Variants in CRACR2A observed in about 807,000 individuals in gnomAD.
CRACR2A encodes EF-hand calcium-binding domain-containing protein 4B.
A neutral mutation model predicts 90.5 loss-of-function variants in CRACR2A; 79 were observed. That is an observed-to-expected ratio of 0.87 (90% CI 0.73 to 1.05). The LOEUF is 1.05. Ranked by LOEUF, CRACR2A falls within the 50% of genes least tolerant of loss-of-function variation. The pLI is 0.00. For synonymous variants in CRACR2A, 338 were observed against 356.7 expected (o/e 0.95, Z 0.59); for missense variants, 823 against 897.2 (o/e 0.92, Z 1.06).
At chr12:3,727,893 A>G (rs918245121) in intron 2 of CRACR2A, 1 of 152,194 alleles carries the variant, frequency 6.6e-6, no homozygotes, top group Non-Finnish European at 1.5e-5. Context: ...AAAAAATAAA[A>G]TAAAATAAGG....
intron 2 of CRACR2A, chr12:3,728,842 G>A (rs756637923): frequency 3.3e-5 from 5 of 152,242 alleles, no homozygotes; most frequent in Non-Finnish European, 7.3e-5. Flanking sequence ...ATCCTGGGCT[G>A]CGGGCAGAAG....
intron 7 of CRACR2A, among the ~76,000 whole-genome samples, chr12:3,668,526 A>T (rs994280566): frequency 2.4e-4 from 36 of 152,152 alleles, no homozygotes; most frequent in Admixed American, 1.3e-4. Context: ...GGTCACTAAG[A>T]ACTCTGTGGA....
rs1299592979 is a variant in CRACR2A at position 3,713,302 on chromosome 12, G to A, written c.-102C>T. Reference sequence around the variant, plus strand: ...CACCTGGAGGGTACTTTGGCCACTGGTGACTTGAATTCCACCTAGGAAACA... The same window carrying A: ...CACCTGGAGGGTACTTTGGCCACTGATGACTTGAATTCCACCTAGGAAACA... On this transcript the variant is annotated 5_prime_UTR_variant, in exon 3 of 20. Transcript: ENST00000440314. 2.0e-6 allele frequency: 2 copies of A among 985,172 alleles called. No individual in the cohort carries two copies. The highest frequency in any genetic ancestry group is 3.5e-5 in the African/African-American group (2 of 57,194). 61.0% of individuals were successfully genotyped at this position (985,172 alleles called of 1,614,324 possible). A position where few individuals can be genotyped will look rare whatever the true frequency, so the allele number is the denominator to read the frequency against.
intron 8 of CRACR2A, among the ~76,000 whole-genome samples, chr12:3,657,748 G>A (rs1184978420): frequency 6.6e-6 from 1 of 152,164 alleles, no homozygotes; most frequent in Non-Finnish European, 1.5e-5. Flanking sequence ...GCAGCGAGCG[G>A]CTCCAGAATC....
At chr12:3,679,192 C>G in intron 5 of CRACR2A, 94 bp from the exon 6 acceptor site, 2 of 1,269,344 alleles carry the variant, frequency 1.6e-6, no homozygotes, top group Non-Finnish European at 2.1e-6. Context: ...GAAGGTTCAT[C>G]TGAGAGAAGG....
chr12:3,633,658 AG>A lies in CRACR2A; in HGVS notation c.1680del (p.Phe561SerfsTer2). Reference protein sequence around the residue: ...FVGNSAVGKTSFLRRFCEDRF... With the variant: ...FVGNSAVGKTXFLRRFCEDRF... ...CGGTCCTCACAGAATCTCCTCAGGAAGGATGTCTTCCCCACCGCGGAATTGC... is the reference window on the plus strand; with the variant it reads ...CGGTCCTCACAGAATCTCCTCAGGAAGATGTCTTCCCCACCGCGGAATTGC... On this transcript the variant is annotated frameshift_variant, in exon 15 of 20. Transcript: ENST00000440314. LOFTEE classifies it high-confidence loss of function. The surrounding 1 kb of genome is among the most constrained non-coding windows in gnomAD (Gnocchi z 4.5). 1 of 1,551,756 alleles carries A rather than the reference AG, an allele frequency of 6.4e-7. No homozygotes were observed. The highest frequency in any genetic ancestry group is 8.7e-7 in the Non-Finnish European group (1 of 1,147,004).
intron 3 of CRACR2A, among the ~76,000 whole-genome samples, chr12:3,703,376 C>T (rs1289984927): frequency 6.6e-6 from 1 of 152,168 alleles, no homozygotes; most frequent in African/African-American, 2.4e-5. Context: ...TGAGCCACCG[C>T]ACCCAGCTGC....
At chr12:3,742,090 G>T (rs1356161272) in intron 1 of CRACR2A, among the ~76,000 whole-genome samples, 3 of 152,310 alleles carry the variant, frequency 2.0e-5, no homozygotes, top group South Asian at 2.1e-4. Context: ...GGGAGGGCTG[G>T]ACTAACCACC....
At chr12:3,707,267 G>A (rs56343193) in intron 3 of CRACR2A, among the ~76,000 whole-genome samples, 20,679 of 152,102 alleles carry the variant, frequency 0.14, 1,607 homozygotes, top group Admixed American at 0.23. Context: ...CAATTTTCTT[G>A]TTCTAGTCTC....
At chr12:3,650,667 G>T (rs745827886) in intron 10 of CRACR2A, among the ~76,000 whole-genome samples, 1 of 152,122 alleles carries the variant, frequency 6.6e-6, no homozygotes, top group African/African-American at 2.4e-5. Context: ...CTCTCCAGGG[G>T]TGGCCAGGAG....
At chr12:3,619,189 C>T (rs1179026325) in intron 18 of CRACR2A, 82 bp downstream of exon 18, 1 of 1,119,354 alleles carries the variant, frequency 8.9e-7, no homozygotes, top group Non-Finnish European at 1.3e-6. Flanking sequence ...CAGAGAAAGT[C>T]CCCACCAAGG....
At chr12:3,653,926 A>G (rs1473537600) in intron 10 of CRACR2A, among the ~76,000 whole-genome samples, 1 of 152,244 alleles carries the variant, frequency 6.6e-6, no homozygotes, top group Non-Finnish European at 1.5e-5. Flanking sequence ...ACATATGAGT[A>G]ACCTCATATT....
At chr12:3,719,469 T>C (rs1946125945) in intron 2 of CRACR2A, among the ~76,000 whole-genome samples, 1 of 152,146 alleles carries the variant, frequency 6.6e-6, no homozygotes. Flanking sequence ...CCTGCATAGT[T>C]CCCCTCCTTT....
chr12:3,713,330 CAA>C lies in CRACR2A; in HGVS notation c.-117-15_-117-14del, dbSNP rs1946034789. ...ACTTGAATTCCACCTAGGAAACACA[CAA>C]GAGATGAATCACACCTTATTTTCCA... On this transcript the variant is annotated splice_polypyrimidine_tract_variant and intron_variant, in intron 2 of 19. Transcript: ENST00000440314. The C allele has an allele frequency of 5.1e-6, 5 of 983,878 alleles. No homozygotes were observed. The highest frequency in any genetic ancestry group is 6.0e-6 in the Non-Finnish European group (5 of 828,578). The allele number at this position is 983,878 out of a possible 1,614,324, so 60.9% of individuals were successfully genotyped here.
intron 19 of CRACR2A, among the ~76,000 whole-genome samples, chr12:3,616,185 C>T (rs1320423163): frequency 6.6e-6 from 1 of 152,162 alleles, no homozygotes; most frequent in African/African-American, 2.4e-5. Context: ...ACTCCATAAC[C>T]CTATAACCTC....
chr12:3,676,353 G>A (rs554253785), intron 6 of CRACR2A, among the ~76,000 whole-genome samples: 3 of 152,316 alleles, frequency 2.0e-5, no homozygotes, highest in South Asian at 4.1e-4. Context: ...AGGGTTCAGA[G>A]ATAAGAGGGT....
At chr12:3,706,897 C>T (rs1945932879) in intron 3 of CRACR2A, among the ~76,000 whole-genome samples, 1 of 152,238 alleles carries the variant, frequency 6.6e-6, no homozygotes, top group South Asian at 2.1e-4. Flanking sequence ...AGCCACCACA[C>T]CCAGTCTGTC....
intron 15 of CRACR2A, among the ~76,000 whole-genome samples, chr12:3,628,108 T>A (rs1944306002): frequency 7.1e-6 from 1 of 140,242 alleles, no homozygotes; most frequent in Non-Finnish European, 1.6e-5. Context: ...CTTCCCTCTC[T>A]CTTTCCCTCC....
intron 2 of CRACR2A, among the ~76,000 whole-genome samples, chr12:3,714,053 C>T (rs572362616): frequency 6.6e-6 from 1 of 152,240 alleles, no homozygotes; most frequent in Non-Finnish European, 1.5e-5. Flanking sequence ...CAAACCACAG[C>T]TAGACCTGAA....
Sources: allele counts gnomAD v4.1 joint callset (sites outside exome capture counted in the v4.1 genomes callset), GRCh38; gene constraint gnomAD v4.1.1; non-coding constraint Gnocchi (gnomAD v3.1); transcripts MANE v1.5; gene names NCBI Gene and HGNC (gene_info 2026-07-23, HGNC 2026-07-21).